KNDC1: variants seen among roughly 807,000 people sequenced by gnomAD.
KNDC1 encodes kinase non-catalytic C-lobe domain containing 1, also known as kinase non-catalytic C-lobe domain-containing protein 1.
KNDC1 carries 106 observed loss-of-function variants against 172.8 expected under a neutral mutation model. The observed-to-expected ratio is 0.61, with a 90% CI of 0.52 to 0.72. The LOEUF (loss-of-function observed/expected upper bound fraction) is 0.72. Ranked by LOEUF, KNDC1 falls within the 30% of genes least tolerant of loss-of-function variation. KNDC1 has a pLI of 0.00. For missense variants in KNDC1, 2,325 were observed against 2,394.5 expected, an observed-to-expected ratio of 0.97 and a Z score of 0.61; for synonymous variants, 1,083 against 1,062.2, an observed-to-expected ratio of 1.02 and a Z score of -0.38.
chr10:133,206,921 C>T lies in KNDC1; in HGVS notation c.3547C>T (p.Gln1183Ter). The change falls in exon 19 of 30, where the codon CAA becomes TAA. Residue 1183 changes from glutamine to a stop codon, truncating the protein, a stop_gained. Transcript: ENST00000304613. LOFTEE classifies it high-confidence loss of function. ...GCTAGAAGAAATGAAATCCAGGGTG[C>T]AATTCCTCAGCTTGGTCAAGAAGTA... ...GQLEEMKSRV[Q>*]FLSLVKKYLQ... The T allele has an allele frequency of 1.2e-6, 2 of 1,614,090 alleles. No homozygotes were observed. Among genetic ancestry groups the T allele is most frequent in the Non-Finnish European group, 1.7e-6 (2 of 1,180,024 alleles).
At chr10:133,180,890 A>C (rs932142794) in intron 3 of KNDC1, among the ~76,000 whole-genome samples, 2 of 152,246 alleles carry the variant, frequency 1.3e-5, no homozygotes, top group African/African-American at 4.8e-5. Context: ...TAACTCGACG[A>C]GTGAGTTTAC....
chr10:133,200,021 G>A (rs1196237753), intron 15 of KNDC1, among the ~76,000 whole-genome samples: 3 of 152,160 alleles, frequency 2.0e-5, no homozygotes, highest in East Asian at 1.9e-4. Flanking sequence ...GTGGGGCGGC[G>A]GCCACCCCAC....
chr10:133,220,053 G>C lies in KNDC1; in HGVS notation c.4959G>C (p.Gln1653His). The C allele has an allele frequency of 6.4e-7, 1 of 1,563,296 alleles. No individual in the cohort carries two copies. Among genetic ancestry groups the C allele is most frequent in the Non-Finnish European group, 8.7e-7 (1 of 1,153,762 alleles). Residue 1653 changes from glutamine (Q) to histidine (H), a missense_variant, in exon 29 of 30, where the codon CAG becomes CAC. Gln to His is a conservative substitution (Grantham distance 24). Coordinates refer to ENST00000304613, the MANE Select transcript of KNDC1 (RefSeq NM_152643.8). The part of the protein sequence containing the change: ...PSAHLLAMHI[Q>H]QLETGGFTMT... ...CCCACCTCCTGGCCATGCACATCCA[G>C]CAGCTGGAGACAGGCGGCTTCACCA...
At position 133,189,745 on chromosome 10, in the gene KNDC1, C is replaced by CT. The variant is rs761042007; in HGVS notation, c.1514-6dup. On this transcript the variant is annotated splice_polypyrimidine_tract_variant and splice_region_variant and intron_variant, in intron 8 of 29. Coordinates refer to ENST00000304613, the MANE Select transcript of KNDC1 (RefSeq NM_152643.8). ...GTGAGGAAAGCTCAGTCGGGTTTCTCTCTTAGGTTCCTATGACTCGTTCTT... is the reference window on the plus strand; with the variant it reads ...GTGAGGAAAGCTCAGTCGGGTTTCTCTTCTTAGGTTCCTATGACTCGTTCTT... 60 of 1,613,980 alleles carry CT rather than the reference C, an allele frequency of 3.7e-5. No individual in the cohort carries two copies. The highest frequency in any genetic ancestry group is 5.0e-5 in the Admixed American group (3 of 60,002).
chr10:133,200,428 C>G lies in KNDC1; in HGVS notation c.2957C>G (p.Pro986Arg), dbSNP rs199662191. 1 of 1,596,442 alleles carries G rather than the reference C, an allele frequency of 6.3e-7. No homozygotes were observed. The highest frequency in any genetic ancestry group is 1.1e-5 in the South Asian group (1 of 88,810). The change falls in exon 16 of 30, where the codon CCG (proline) becomes CGG (arginine). Residue 986 changes from proline (P) to arginine (R), a missense_variant. Physicochemically the swap from Pro to Arg is moderately radical, Grantham distance 103. Coordinates refer to ENST00000304613, the MANE Select transcript of KNDC1 (RefSeq NM_152643.8). ...GAGGGCAGCCAAAGCCCCCGCTCCC[C>G]GTCCAGCAAGAGGCCGTCGCTGCAC... Reference protein sequence around the residue: ...QLEGSQSPRSPSSKRPSLHRL... With the variant: ...QLEGSQSPRSRSSKRPSLHRL...
Position 133,195,282 on chromosome 10 carries a change from G to A in KNDC1, c.1576-381G>A, listed in dbSNP as rs576963238. 5.9e-5 allele frequency among the ~76,000 whole-genome samples: 9 copies of A among 152,254 alleles called. No individual in the cohort carries two copies. In the South Asian group the frequency reaches 1.0e-3, roughly 18 times the overall value. On this transcript the variant is annotated intron_variant, in intron 9 of 29. Transcript: ENST00000304613. The stretch of plus-strand genomic sequence containing the variant: ...GCACGGCACCAGTCGGGGGGCTTCC[G>A]GGAGCAGGCACCAGTCGGGGGGCTC...
In KNDC1 at chr10:133,211,787, G is replaced by A; in HGVS notation, c.4165G>A (p.Glu1389Lys). Residue 1389 changes from glutamate to lysine, a missense_variant, in exon 23 of 30, where the codon GAG becomes AAG. By Grantham distance (56) the Glu-to-Lys change is moderately conservative. Transcript: ENST00000304613. Reference sequence around the variant, plus strand: ...CGGCACAGACCTGGAGAACCCCAGGGAGGCCGAGGAGGATGCCAGACCCTT... The same window carrying A: ...CGGCACAGACCTGGAGAACCCCAGGAAGGCCGAGGAGGATGCCAGACCCTT... ...PRGTDLENPR[E>K]AEEDARPFNA... 6.2e-7 allele frequency: 1 copy of A among 1,610,642 alleles called. No individual in the cohort carries two copies. The highest frequency in any genetic ancestry group is 1.1e-5 in the South Asian group (1 of 90,988).
chr10:133,161,584 C>T (rs1306374641), intron 1 of KNDC1, among the ~76,000 whole-genome samples: 1 of 152,144 alleles, frequency 6.6e-6, no homozygotes, highest in Non-Finnish European at 1.5e-5. Flanking sequence ...CCCCAGGAGG[C>T]CCTCGGCCCA....
chr10:133,201,790 G>C lies in KNDC1; in HGVS notation c.3279G>C (p.Trp1093Cys). 1 of 1,533,898 alleles carries C rather than the reference G, an allele frequency of 6.5e-7. No homozygotes were observed. The highest frequency in any genetic ancestry group is 8.7e-7 in the Non-Finnish European group (1 of 1,143,234). ...PAGFQSCSPG[W>C]CSAFYEADCF... ...GATTCCAGAGCTGCAGCCCCGGCTG[G>C]TGCAGCGCCTTCTACGAGGCCGACT... The change falls in exon 17 of 30, where the codon TGG becomes TGC. Residue 1093 changes from tryptophan to cysteine, a missense_variant. Transcript: ENST00000304613.
At chr10:133,222,492 T>C (rs138959126) in intron 29 of KNDC1, among the ~76,000 whole-genome samples, 1,222 of 18,898 alleles carry the variant, frequency 0.065, 41 homozygotes, top group East Asian at 0.2. Context: ...CTCTTCCCGG[T>C]GTGTGTGTGT....
Position 133,186,326 on chromosome 10 carries a change from C to T in KNDC1, c.978C>T (p.Arg326=), listed in dbSNP as rs769961561. ...PEATLCLPLT[R]GKSQLPISEL... ...CCACCCTCTGCCTGCCGCTGACCCG[C>T]GGGAAAAGCCAGCTGCCCATATCGG... Residue 326 remains arginine (R), a synonymous_variant, in exon 6 of 30, where the codon CGC becomes CGT. Coordinates refer to ENST00000304613, the MANE Select transcript of KNDC1 (RefSeq NM_152643.8). 18 of 1,612,598 alleles carry T rather than the reference C, an allele frequency of 1.1e-5. No homozygotes were observed. Among genetic ancestry groups the T allele is most frequent in the Admixed American group, 1.7e-5 (1 of 59,992 alleles).
At chr10:133,222,314 A>G (rs1007736996) in intron 29 of KNDC1, among the ~76,000 whole-genome samples, 1 of 152,012 alleles carries the variant, frequency 6.6e-6, no homozygotes, top group Non-Finnish European at 1.5e-5. Flanking sequence ...GTGATGCTCA[A>G]TCAGGAAAGA....
At chr10:133,213,810 C>T in intron 25 of KNDC1, 83 bp downstream of exon 25, 3 of 1,448,636 alleles carry the variant, frequency 2.1e-6, no homozygotes, top group East Asian at 2.3e-5. Context: ...CGCTCCTGAC[C>T]AGCAGGAGAT....
At chr10:133,176,768 C>T (rs981120628) in intron 3 of KNDC1, among the ~76,000 whole-genome samples, 11 of 152,290 alleles carry the variant, frequency 7.2e-5, no homozygotes, top group Admixed American at 4.6e-4. Context: ...CCCTGGAGAC[C>T]GGGGCTGTGC....
At chr10:133,221,366 G>A (rs564317854) in intron 29 of KNDC1, among the ~76,000 whole-genome samples, 10 of 152,206 alleles carry the variant, frequency 6.6e-5, no homozygotes, top group East Asian at 5.8e-4. Flanking sequence ...CGACCCACAG[G>A]GCTCACACCC....
intron 20 of KNDC1, among the ~76,000 whole-genome samples, chr10:133,208,540 C>G (rs1845272515): frequency 9.7e-6 from 1 of 103,048 alleles, no homozygotes; most frequent in South Asian, 3.8e-4. Context: ...CGTGGCCCCC[C>G]CAACCCCGTT....
intron 1 of KNDC1, among the ~76,000 whole-genome samples, chr10:133,165,316 C>T (rs1009871641): frequency 1.2e-4 from 18 of 152,238 alleles, no homozygotes; most frequent in Non-Finnish European, 2.4e-4. Flanking sequence ...AGGCATCTCC[C>T]CTCCAGGTCT....
In KNDC1 at chr10:133,168,239, T is replaced by G. The variant is rs1564872845; in HGVS notation, c.302-15T>G. On this transcript the variant is annotated splice_polypyrimidine_tract_variant and intron_variant, in intron 2 of 29. Transcript: ENST00000304613. ...TGACCAGAAGCCTTCTCTCCTTCTCTCTCTCCTCCCCAAGACGACCCTGAG... is the reference window on the plus strand; with the variant it reads ...TGACCAGAAGCCTTCTCTCCTTCTCGCTCTCCTCCCCAAGACGACCCTGAG... 3.7e-6 allele frequency: 6 copies of G among 1,613,198 alleles called. No individual in the cohort carries two copies.
At chr10:133,186,957 C>T (rs746701436) in intron 6 of KNDC1, among the ~76,000 whole-genome samples, 22 of 152,154 alleles carry the variant, frequency 1.4e-4, no homozygotes, top group African/African-American at 5.1e-4. Context: ...CACACAGCCC[C>T]GCACGGCCGT....
Sources: allele counts gnomAD v4.1 joint callset (sites outside exome capture counted in the v4.1 genomes callset), GRCh38; gene constraint gnomAD v4.1.1; transcripts MANE v1.5; gene names NCBI Gene and HGNC (gene_info 2026-07-23, HGNC 2026-07-21).